Variants in SOX5 observed in about 807,000 individuals in gnomAD.
SOX5 encodes the protein transcription factor SOX-5.
In SOX5, 9 loss-of-function variants were observed where a neutral mutation model predicts 92.0. The ratio of observed to expected loss-of-function variants is 0.10; its 90% CI spans 0.06 to 0.17. The LOEUF is 0.17. Ranked by LOEUF, SOX5 falls within the 10% of genes least tolerant of loss-of-function variation. The probability of loss-of-function intolerance (pLI) is 1.00; values close to 1 mark genes in which losing one functional copy is unlikely to be tolerated. For missense variants in SOX5, 642 were observed against 944.5 expected (o/e 0.68, Z 4.20); for synonymous variants, 344 against 336.3 (o/e 1.02, Z -0.25).
At chr12:24,472,914 A>G (rs1597076560) in intron 1 of SOX5, among the ~76,000 whole-genome samples, 1 of 152,260 alleles carries the variant, frequency 6.6e-6, no homozygotes, top group East Asian at 1.9e-4. Flanking sequence ...ATGTATAGCC[A>G]ATATAATCAG....
chr12:23,645,872 A>G (rs2080774795), intron 7 of SOX5, among the ~76,000 whole-genome samples: 1 of 152,192 alleles, frequency 6.6e-6, no homozygotes, highest in Non-Finnish European at 1.5e-5. Flanking sequence ...TTTGAATCCA[A>G]CTACCACAAT....
At chr12:24,150,474 G>A (rs548227341) in intron 4 of SOX5, among the ~76,000 whole-genome samples, 8 of 152,022 alleles carry the variant, frequency 5.3e-5, no homozygotes, top group Non-Finnish European at 1.0e-4. Context: ...GTTTATGGAC[G>A]GAAGATAAAA....
chr12:24,517,962 A>G (rs1044377348), intron 1 of SOX5, among the ~76,000 whole-genome samples: 1 of 152,240 alleles, frequency 6.6e-6, no homozygotes, highest in African/African-American at 2.4e-5. Flanking sequence ...TTCAACGTAC[A>G]ATACAAAGTA....
intron 3 of SOX5, among the ~76,000 whole-genome samples, chr12:23,819,286 A>AT (rs2096060774): frequency 6.6e-6 from 1 of 152,208 alleles, no homozygotes; most frequent in South Asian, 2.1e-4. Context: ...TTCTGGGGCC[A>AT]TTGTTATACA....
intron 6 of SOX5, among the ~76,000 whole-genome samples, chr12:23,730,920 C>T (rs1315665363): frequency 6.6e-6 from 1 of 152,122 alleles, no homozygotes; most frequent in Non-Finnish European, 1.5e-5. Context: ...AAACATTATG[C>T]CGGGGTGTGT....
chr12:23,941,319 T>G (rs1943589925), intron 1 of SOX5, among the ~76,000 whole-genome samples: 1 of 151,628 alleles, frequency 6.6e-6, no homozygotes. Context: ...TATCAGGATC[T>G]TTTGGATATG....
At chr12:23,918,894 A>G (rs61910001) in intron 1 of SOX5, among the ~76,000 whole-genome samples, 3,024 of 152,058 alleles carry the variant, frequency 0.02, 44 homozygotes, top group South Asian at 0.069. Context: ...TCCAGCCTGG[A>G]AAACATAGCA....
chr12:23,857,515 C>G (rs1205788298), intron 2 of SOX5, among the ~76,000 whole-genome samples: 1 of 152,196 alleles, frequency 6.6e-6, no homozygotes, highest in East Asian at 1.9e-4. Context: ...CAGAAAGGAG[C>G]TTTTCCAAAC....
rs780914143 is a variant in SOX5 at position 24,455,339 on chromosome 12, G to A, written c.-250-86700C>T. Among the ~76,000 whole-genome samples, 5 of 152,140 alleles carry A rather than the reference G, an allele frequency of 3.3e-5. No individual in the cohort carries two copies. In the East Asian group the frequency reaches 7.7e-4, roughly 23 times the overall value. ...AGTTCCAAAGTGGCTGATTTTCTAG[G>A]TGGCTTGTATAACTATTATTTTTTA... On this transcript the variant is annotated intron_variant, in intron 1 of 4. Transcript: ENST00000446891.
At chr12:24,215,653 T>G (rs994384433) in intron 3 of SOX5, among the ~76,000 whole-genome samples, 3 of 152,126 alleles carry the variant, frequency 2.0e-5, no homozygotes, top group African/African-American at 7.2e-5. Flanking sequence ...AAACTTAATA[T>G]TCTTAAAATG....
rs963644555 is a variant in SOX5 at position 23,634,359 on chromosome 12, T to C, written c.1017+6453A>G. 2.1e-4 allele frequency among the ~76,000 whole-genome samples: 32 copies of C among 152,200 alleles called. 1 individual carries two copies. The highest frequency in any genetic ancestry group is 4.4e-4 in the Non-Finnish European group (30 of 68,016). On this transcript the variant is annotated intron_variant, in intron 8 of 14. Transcript: ENST00000451604. ...AGAATAAAAGAGCTAGGAAGTGTGC[T>C]ATCTCTTAGGATCCACCTTACGATT...
intron 3 of SOX5, among the ~76,000 whole-genome samples, chr12:23,782,515 G>C (rs61925717): frequency 0.1 from 15,895 of 152,194 alleles, 1,064 homozygotes; most frequent in Non-Finnish European, 0.15. Flanking sequence ...GATGTAAGGA[G>C]AGTGAAGGTT....
chr12:24,270,432 T>G (rs984778741), intron 3 of SOX5, among the ~76,000 whole-genome samples: 1 of 152,220 alleles, frequency 6.6e-6, no homozygotes, highest in African/African-American at 2.4e-5. Flanking sequence ...TAATTTATAC[T>G]ATTTGCCAGG....
chr12:24,093,943 TTTTG>T lies in SOX5; in HGVS notation c.-2+119396_-2+119399del, dbSNP rs745872228. ...GATGAGTTTGAAATTGTGTATCTTTTTTTGTTTGTTTGTTTGTTTTGGAACAAAG... is the reference window on the plus strand; with the variant it reads ...GATGAGTTTGAAATTGTGTATCTTTTTTTGTTTGTTTGTTTTGGAACAAAG... On this transcript the variant is annotated intron_variant, in intron 4 of 4. Transcript: ENST00000446891. 5.3e-5 allele frequency among the ~76,000 whole-genome samples: 8 copies of T among 152,160 alleles called. No individual in the cohort carries two copies. In the East Asian group the frequency reaches 7.7e-4, roughly 15 times the overall value.
rs113613147 is a variant in SOX5, at chr12:23,575,928, A to G, written c.1165-90T>C. 1.9e-4 allele frequency: 176 copies of G among 930,676 alleles called. 1 individual carries two copies. The African/African-American group carries it at 2.1e-3, about 11-fold the overall frequency. The allele number at this position is 930,676 out of a possible 1,614,324, so 57.7% of individuals were successfully genotyped here. On this transcript the variant is annotated intron_variant, in intron 9 of 14. Transcript: ENST00000451604. ...ACAGGTATGCAGCCTGTCATTTCCC[A>G]TCAAATTACTCTACCAATCAGTGAT...
intron 2 of SOX5, among the ~76,000 whole-genome samples, chr12:24,313,291 G>T (rs1949373434): frequency 6.6e-6 from 1 of 152,132 alleles, no homozygotes; most frequent in Admixed American, 6.6e-5. Context: ...ACTTTGGGAG[G>T]CCAAGGCGAG....
intron 3 of SOX5, among the ~76,000 whole-genome samples, chr12:24,261,518 C>G (rs1009483262): frequency 2.6e-5 from 4 of 152,134 alleles, no homozygotes; most frequent in African/African-American, 9.7e-5. Flanking sequence ...CACCACACCA[C>G]ACAGGAGAAA....
chr12:24,362,871 A>AC (rs926216959), intron 2 of SOX5, among the ~76,000 whole-genome samples: 6 of 151,500 alleles, frequency 4.0e-5, no homozygotes, highest in African/African-American at 1.5e-4. Flanking sequence ...ACAGTGAAAA[A>AC]AAAAAAAAAA....
chr12:24,119,040 T>TG (rs1948360450), intron 4 of SOX5, among the ~76,000 whole-genome samples: 1 of 149,404 alleles, frequency 6.7e-6, no homozygotes, highest in Non-Finnish European at 1.5e-5. Flanking sequence ...AAATGAGGAA[T>TG]ATTTTTTTTA....
Sources: gnomAD v4.1 joint callset for allele counts (sites outside exome capture counted in the v4.1 genomes callset) on GRCh38, gnomAD v4.1.1 for gene constraint, MANE v1.5 for transcripts, NCBI Gene and HGNC (gene_info 2026-07-23, HGNC 2026-07-21) for gene names.